The following NPAS2 variants were observed in gnomAD, a reference collection of about 807,000 sequenced individuals.
The protein encoded by NPAS2 is neuronal PAS domain-containing protein 2.
In NPAS2, 23 loss-of-function variants were observed where a neutral mutation model predicts 107.5. The observed-to-expected ratio is 0.21, with a 90% CI of 0.15 to 0.30. The LOEUF is 0.30. Among genes scored for constraint, NPAS2 ranks in the 10% least tolerant of loss-of-function variants. The pLI, the probability that NPAS2 is intolerant of heterozygous loss-of-function variation, is 1.00. For missense variants in NPAS2, 756 were observed against 1,043.3 expected (o/e 0.72, Z 3.79); for synonymous variants, 403 against 417.5 (o/e 0.97, Z 0.42).
At chr2:100,922,669 G>A (rs1035772912) in intron 2 of NPAS2, among the ~76,000 whole-genome samples, 3 of 152,122 alleles carry the variant, frequency 2.0e-5, no homozygotes, top group African/African-American at 4.8e-5. Context: ...TGGTGGTCTC[G>A]GGGCCTGCCG....
intron 1 of NPAS2, among the ~76,000 whole-genome samples, chr2:100,887,803 C>A (rs192665120): frequency 2.5e-4 from 38 of 152,240 alleles, no homozygotes; most frequent in Admixed American, 5.9e-4. Flanking sequence ...CAGCCGAGGG[C>A]CTGGGCTGGT....
chr2:100,914,456 A>G (rs1264454202), intron 2 of NPAS2, among the ~76,000 whole-genome samples: 2 of 152,288 alleles, frequency 1.3e-5, no homozygotes, highest in Non-Finnish European at 1.5e-5. Context: ...TTGATGTGCA[A>G]TGGCGGATTC....
intron 1 of NPAS2, among the ~76,000 whole-genome samples, chr2:100,885,508 T>C (rs1287108927): frequency 1.3e-5 from 2 of 152,228 alleles, no homozygotes; most frequent in Non-Finnish European, 2.9e-5. Context: ...AGTTTTTAAA[T>C]GAACTCTATA....
upstream of NPAS2, among the ~76,000 whole-genome samples, chr2:100,819,112 T>A (rs954332291): frequency 4.0e-5 from 6 of 151,820 alleles, no homozygotes. This position sits in a 1 kb window ranked among gnomAD's most constrained non-coding sequence, Gnocchi z 5.8. Context: ...CTCTCCAGCT[T>A]CTTTTTCTTG....
At chr2:100,946,341 AATC>A (rs1245768350) in intron 5 of NPAS2, among the ~76,000 whole-genome samples, 1 of 152,104 alleles carries the variant, frequency 6.6e-6, no homozygotes, top group Non-Finnish European at 1.5e-5. Flanking sequence ...GAGCCCCTTA[AATC>A]ATCAGTGGGG....
intron 1 of NPAS2, chr2:100,821,072 G>A (rs1372683564): frequency 3.8e-6 from 5 of 1,304,240 alleles, no homozygotes; most frequent in Non-Finnish European, 5.1e-6. Flanking sequence ...TTTCCCAGCC[G>A]AGGAGGGACG....
At chr2:100,946,053 T>C (rs976337702) in intron 5 of NPAS2, among the ~76,000 whole-genome samples, 2 of 152,230 alleles carry the variant, frequency 1.3e-5, no homozygotes, top group African/African-American at 2.4e-5. Context: ...AGCACATAGC[T>C]GTACAGGAAA....
chr2:100,842,081 G>GCGCGCACACACACACACACACACACACA, intron 1 of NPAS2, among the ~76,000 whole-genome samples: 7 of 148,798 alleles, frequency 4.7e-5, no homozygotes, highest in Non-Finnish European at 7.5e-5. Context: ...GCATGTACGC[G>GCGCGCACACACACACACACACACACACA]CACACACACA....
chr2:100,842,081 G>GCGCGCGCGCACACACACACACACACA, intron 1 of NPAS2, among the ~76,000 whole-genome samples: 3,376 of 148,848 alleles, frequency 0.023, 61 homozygotes, highest in Non-Finnish European at 0.036. Flanking sequence ...GCATGTACGC[G>GCGCGCGCGCACACACACACACACACA]CACACACACA....
intron 1 of NPAS2, among the ~76,000 whole-genome samples, chr2:100,889,695 A>G (rs1680929645): frequency 6.6e-6 from 1 of 152,160 alleles, no homozygotes; most frequent in Admixed American, 6.5e-5. Context: ...ACCAGGCAGC[A>G]ATCACCAATG....
In NPAS2 at chr2:100,894,828, G is replaced by C. The variant is rs112836402; in HGVS notation, c.-22-9905G>C. Among the ~76,000 whole-genome samples, 494 of 152,326 alleles carry C rather than the reference G, an allele frequency of 3.2e-3. 3 individuals are homozygous for C. The highest frequency in any genetic ancestry group is 0.011 in the African/African-American group (469 of 41,584). On this transcript the variant is annotated intron_variant, in intron 1 of 20. Coordinates refer to ENST00000335681, the MANE Select transcript of NPAS2 (RefSeq NM_002518.4). ...CACAAGCGACAGCAAGATGGAGTCT[G>C]TGGGGACAGCCATTTCTAGCTGGTG...
At chr2:100,936,905 C>G (rs988629738) in intron 4 of NPAS2, among the ~76,000 whole-genome samples, 1 of 146,828 alleles carries the variant, frequency 6.8e-6, no homozygotes, top group African/African-American at 2.5e-5. Context: ...TCGCTTGAAC[C>G]TGGGAAGCAG....
At chr2:100,935,369 G>C (rs1416439697) in intron 4 of NPAS2, among the ~76,000 whole-genome samples, 1 of 152,202 alleles carries the variant, frequency 6.6e-6, no homozygotes, top group Non-Finnish European at 1.5e-5. Flanking sequence ...GTGGCGGTTA[G>C]AAAATTCTGG....
intron 7 of NPAS2, among the ~76,000 whole-genome samples, chr2:100,959,468 C>T (rs899284500): frequency 6.6e-6 from 1 of 152,094 alleles, no homozygotes; most frequent in Non-Finnish European, 1.5e-5. Flanking sequence ...AGGAACCCAG[C>T]CACCTGGCTA....
At chr2:100,863,912 G>A (rs939344636) in intron 1 of NPAS2, among the ~76,000 whole-genome samples, 9 of 152,028 alleles carry the variant, frequency 5.9e-5, no homozygotes, top group Non-Finnish European at 7.4e-5. Context: ...ATAAGCTTTT[G>A]ACCTAAAGCA....
At chr2:100,873,632 C>T (rs1400759709) in intron 1 of NPAS2, among the ~76,000 whole-genome samples, 1 of 151,992 alleles carries the variant, frequency 6.6e-6, no homozygotes, top group Non-Finnish European at 1.5e-5. Context: ...TTTGTTGAAA[C>T]ACCATTTCAT....
chr2:100,881,328 C>A (rs1040709300), intron 1 of NPAS2, among the ~76,000 whole-genome samples: 12 of 152,230 alleles, frequency 7.9e-5, no homozygotes, highest in Admixed American at 2.6e-4. Flanking sequence ...TCCCCACCCC[C>A]GCCCAGTCAG....
chr2:100,979,727 G>A (rs1366362903), intron 15 of NPAS2, among the ~76,000 whole-genome samples: 12 of 151,860 alleles, frequency 7.9e-5, no homozygotes, highest in African/African-American at 2.2e-4. Context: ...ACGGGGTTTC[G>A]CTGTGTTGGC....
At position 100,893,461 on chromosome 2, in the gene NPAS2, A is replaced by G. The variant is rs143962769; in HGVS notation, c.-22-11272A>G. ...GTGGGGAAGAGTGTTAGGATTTTCC[A>G]GCTAACTTGGGACCTGTAATTCAAA... On this transcript the variant is annotated intron_variant, in intron 1 of 20. Coordinates refer to ENST00000335681, the MANE Select transcript of NPAS2 (RefSeq NM_002518.4). Among the ~76,000 whole-genome samples, 31 of 152,214 alleles carry G rather than the reference A, an allele frequency of 2.0e-4. No individual in the cohort carries two copies. The East Asian group carries it at 3.7e-3, about 18-fold the overall frequency.
Sources: allele counts gnomAD v4.1 joint callset (sites outside exome capture counted in the v4.1 genomes callset), GRCh38; gene constraint gnomAD v4.1.1; non-coding constraint Gnocchi (gnomAD v3.1); transcripts MANE v1.5; gene names NCBI Gene and HGNC (gene_info 2026-07-23, HGNC 2026-07-21).